Variants in CCDC28A observed in about 807,000 individuals in gnomAD.
CCDC28A encodes the protein coiled-coil domain-containing protein 28A.
A neutral mutation model predicts 22.1 loss-of-function variants in CCDC28A; 24 were observed. The observed-to-expected ratio is 1.09, with a 90% CI of 0.79 to 1.53. CCDC28A has a LOEUF of 1.53. CCDC28A is among the 40% of genes most tolerant of loss of function. The pLI is 0.00. For missense variants in CCDC28A, 170 were observed against 210.7 expected (o/e 0.81, Z 1.20); for synonymous variants, 83 against 74.7 (o/e 1.11, Z -0.57).
chr6:138,773,885 A>G lies in CCDC28A; in HGVS notation c.-60A>G. On this transcript the variant is annotated 5_prime_UTR_variant, in exon 1 of 6. Coordinates refer to ENST00000617445, the MANE Select transcript of CCDC28A (RefSeq NM_015439.3). ...TTTGCGGGTTGCGGAAGGGGGCCCC[A>G]ATACCCTTCTTCTTCAGGTATGTAG... 6.2e-7 allele frequency: 1 copy of G among 1,613,528 alleles called. No individual in the cohort carries two copies.
At chr6:138,784,121 A>G (rs1018163552) in intron 3 of CCDC28A, among the ~76,000 whole-genome samples, 2 of 151,690 alleles carry the variant, frequency 1.3e-5, no homozygotes, top group African/African-American at 4.8e-5. Context: ...TCCTGGGTTC[A>G]AGGGATCCGT....
chr6:138,779,545 C>G (rs1428565906), intron 2 of CCDC28A, among the ~76,000 whole-genome samples: 1 of 152,130 alleles, frequency 6.6e-6, no homozygotes, highest in East Asian at 1.9e-4. Context: ...TACAGACTTA[C>G]AAGTTTTCTT....
chr6:138,778,626 T>G (rs778246393), intron 2 of CCDC28A, among the ~76,000 whole-genome samples: 3 of 152,194 alleles, frequency 2.0e-5, no homozygotes, highest in Non-Finnish European at 4.4e-5. Flanking sequence ...AGGATGCTAA[T>G]GTAGGCAGAG....
Position 138,779,860 on chromosome 6 carries a change from G to T in CCDC28A, c.197G>T (p.Gly66Val). 3 of 1,613,690 alleles carry T rather than the reference G, an allele frequency of 1.9e-6. No homozygotes were observed. The highest frequency in any genetic ancestry group is 2.5e-6 in the Non-Finnish European group (3 of 1,179,776). ...AAGACCAAACCTCAGGGTGGAGAGG[G>T]CAAAGGCGCTCAGTCAACTCCGATC... is the stretch of plus-strand genomic sequence containing the variant. ...KEKTKPQGGE[G>V]KGAQSTPIQH... Residue 66 changes from glycine to valine, a missense_variant, in exon 3 of 6, where the codon GGC becomes GTC. Transcript: ENST00000617445.
Position 138,785,392 on chromosome 6 carries a change from T to TAGA in CCDC28A, c.477+11_477+12insAGA, listed in dbSNP as rs1228714427. 1 of 1,583,546 alleles carries TAGA rather than the reference T, an allele frequency of 6.3e-7. No individual in the cohort carries two copies. ...AGGCTTCTGTCAGATGTAAGTGTAA[T>TAGA]TCTTTTTCTTTGTTCTTTAAAAAAA... On this transcript the variant is annotated intron_variant, in intron 4 of 5. Coordinates refer to ENST00000617445, the MANE Select transcript of CCDC28A (RefSeq NM_015439.3).
At chr6:138,789,076 G>A (rs1643939086) in intron 5 of CCDC28A, among the ~76,000 whole-genome samples, 1 of 152,130 alleles carries the variant, frequency 6.6e-6, no homozygotes, top group African/African-American at 2.4e-5. Flanking sequence ...AATGTACTTA[G>A]TGTATTATAG....
chr6:138,790,167 G>A (rs1377918129), intron 5 of CCDC28A, among the ~76,000 whole-genome samples: 1 of 150,648 alleles, frequency 6.6e-6, no homozygotes, highest in East Asian at 1.9e-4. Flanking sequence ...TTGTTTGTTT[G>A]TTTTGAGACG....
chr6:138,776,171 C>G lies in CCDC28A; in HGVS notation c.51C>G (p.His17Gln), dbSNP rs1162279897. The G allele has an allele frequency of 1.2e-6, 2 of 1,613,730 alleles. No homozygotes were observed. The highest frequency in any genetic ancestry group is 1.7e-6 in the Non-Finnish European group (2 of 1,179,770). ...KRRSPKSFSA[H>Q]CTQVVNAKKN... Reference sequence around the variant, plus strand: ...GGAGTCCTAAGTCTTTTAGTGCCCACTGTACTCAGGTTGTCAATGCCAAAA... The same window carrying G: ...GGAGTCCTAAGTCTTTTAGTGCCCAGTGTACTCAGGTTGTCAATGCCAAAA... Residue 17 changes from histidine (H) to glutamine (Q), a missense_variant, in exon 2 of 6, where the codon CAC becomes CAG. Coordinates refer to ENST00000617445, the MANE Select transcript of CCDC28A (RefSeq NM_015439.3).
chr6:138,785,620 A>G (rs1775084712), intron 4 of CCDC28A, among the ~76,000 whole-genome samples: 2 of 152,118 alleles, frequency 1.3e-5, no homozygotes, highest in South Asian at 4.1e-4. Context: ...GGATTTGCCT[A>G]TTGTGGACAT....
rs145376323 is a variant in CCDC28A at position 138,780,762 on chromosome 6, G to A, written c.322+777G>A. Reference sequence around the variant, plus strand: ...AATTTTTTGTATTTTTACTAGAGACGGAGTTTCACCGTGTTAGCCAGGATG... The same window carrying A: ...AATTTTTTGTATTTTTACTAGAGACAGAGTTTCACCGTGTTAGCCAGGATG... On this transcript the variant is annotated intron_variant, in intron 3 of 5. Transcript: ENST00000617445. Among the ~76,000 whole-genome samples the A allele has an allele frequency of 8.3e-3, 1,256 of 151,902 alleles. 16 individuals are homozygous for A. Among genetic ancestry groups the A allele is most frequent in the African/African-American group, 0.029 (1,193 of 41,422 alleles).
intron 4 of CCDC28A, among the ~76,000 whole-genome samples, chr6:138,787,631 G>A (rs1775112722): frequency 6.6e-6 from 1 of 151,864 alleles, no homozygotes; most frequent in African/African-American, 2.4e-5. Context: ...TTGTTATTAT[G>A]CCTGGTTTTA....
intron 5 of CCDC28A, among the ~76,000 whole-genome samples, chr6:138,790,908 T>A (rs1188528441): frequency 6.6e-6 from 1 of 152,196 alleles, no homozygotes; most frequent in Non-Finnish European, 1.5e-5. Flanking sequence ...ACTCTCTACA[T>A]GATAATCCAG....
At chr6:138,783,629 G>A (rs370761278) in intron 3 of CCDC28A, among the ~76,000 whole-genome samples, 20 of 151,474 alleles carry the variant, frequency 1.3e-4, no homozygotes, top group East Asian at 9.7e-4. Flanking sequence ...TAGTGGAGAC[G>A]GGGTTTCACC....
intron 5 of CCDC28A, among the ~76,000 whole-genome samples, chr6:138,788,821 A>T (rs542973280): frequency 6.6e-6 from 1 of 151,850 alleles, no homozygotes; most frequent in Non-Finnish European, 1.5e-5. Flanking sequence ...TTTGCTTTGT[A>T]CTGTTCTTGA....
intron 4 of CCDC28A, among the ~76,000 whole-genome samples, chr6:138,787,124 G>C (rs937815456): frequency 6.6e-6 from 1 of 152,154 alleles, no homozygotes; most frequent in African/African-American, 2.4e-5. Flanking sequence ...GTTTCCTTCT[G>C]TAAGATAAAA....
chr6:138,788,419 G>A (rs1387056825), intron 5 of CCDC28A, 31 bp downstream of exon 5: 19 of 1,119,940 alleles, frequency 1.7e-5, no homozygotes, highest in Non-Finnish European at 2.4e-5. Context: ...ACAGTGAAAA[G>A]TTTACAACTT....
intron 5 of CCDC28A, among the ~76,000 whole-genome samples, chr6:138,789,529 A>G (rs2128363322): frequency 6.6e-6 from 1 of 152,362 alleles, no homozygotes; most frequent in Middle Eastern, 3.4e-3. Context: ...CAGTAACAAC[A>G]ATTAAGAAAT....
chr6:138,778,903 G>A (rs776862553), intron 2 of CCDC28A, among the ~76,000 whole-genome samples: 1 of 152,050 alleles, frequency 6.6e-6, no homozygotes. Flanking sequence ...AAGTAGCTGG[G>A]ACTACAGGTG....
chr6:138,781,901 C>A (rs1775027332), intron 3 of CCDC28A, among the ~76,000 whole-genome samples: 1 of 152,164 alleles, frequency 6.6e-6, no homozygotes, highest in African/African-American at 2.4e-5. Context: ...ATGTCTGTAT[C>A]TTTTCTTTCA....
Sources: allele counts gnomAD v4.1 joint callset (sites outside exome capture counted in the v4.1 genomes callset), GRCh38; gene constraint gnomAD v4.1.1; transcripts MANE v1.5; gene names NCBI Gene and HGNC (gene_info 2026-07-23, HGNC 2026-07-21).